Variants in HDAC4 observed in about 807,000 individuals in gnomAD.
The protein encoded by HDAC4 is histone deacetylase A.
A neutral mutation model predicts 135.1 loss-of-function variants in HDAC4; 16 were observed. The ratio of observed to expected loss-of-function variants is 0.12; its 90% CI spans 0.08 to 0.18. The LOEUF (loss-of-function observed/expected upper bound fraction) is 0.18. Among genes scored for constraint, HDAC4 ranks in the 10% least tolerant of loss-of-function variants. HDAC4 has a pLI of 1.00. For missense variants in HDAC4, 1,143 were observed against 1,511.8 expected (o/e 0.76, Z 4.05); for synonymous variants, 685 against 653.4 (o/e 1.05, Z -0.74).
In HDAC4 at chr2:239,308,243, G is replaced by A. The variant is rs73100783; in HGVS notation, c.22+44435C>T. ...TAGGGACAAGAGAGCTAGAGACCCG[G>A]GGGGGAGTCCACTGCCTTGGGGACA... On this transcript the variant is annotated intron_variant, in intron 2 of 26. Transcript: ENST00000543185. The surrounding 1 kb of genome is among the most constrained non-coding windows in gnomAD (Gnocchi z 4.2). 3.9e-3 allele frequency among the ~76,000 whole-genome samples: 601 copies of A among 152,254 alleles called. 4 individuals carry two copies. The highest frequency in any genetic ancestry group is 0.014 in the African/African-American group (580 of 41,546).
At position 239,048,263 on chromosome 2, in the gene HDAC4, G is replaced by A. The variant is rs1248089372; in HGVS notation, c.*4834C>T. 1 of 152,286 alleles carries A rather than the reference G, an allele frequency of 6.6e-6. No homozygotes were observed. Among genetic ancestry groups the A allele is most frequent in the Non-Finnish European group, 1.5e-5 (1 of 68,064 alleles). 9.4% of individuals were successfully genotyped at this position (152,286 alleles called of 1,614,324 possible). ...TGGACTCCAGTGAAGTGGAAAGAAG[G>A]TGACCGTCAGAAGAGGATATCATTG... On this transcript the variant is annotated 3_prime_UTR_variant, in exon 27 of 27. Transcript: ENST00000543185.
At chr2:239,384,451 C>A (rs79234890) in intron 1 of HDAC4, among the ~76,000 whole-genome samples, 1,063 of 94,692 alleles carry the variant, frequency 0.011, no homozygotes, top group Non-Finnish European at 0.013. Flanking sequence ...CCTGTCTCTA[C>A]AAAAAAAAAA....
intron 2 of HDAC4, among the ~76,000 whole-genome samples, chr2:239,324,494 C>A (rs1168477732): frequency 6.6e-6 from 1 of 152,248 alleles, no homozygotes; most frequent in African/African-American, 2.4e-5. Flanking sequence ...AGGGGCCAAG[C>A]AAAGCCAAAG....
chr2:239,371,470 C>T (rs1314562802), intron 1 of HDAC4, among the ~76,000 whole-genome samples: 1 of 152,194 alleles, frequency 6.6e-6, no homozygotes, highest in Non-Finnish European at 1.5e-5. Context: ...CACCCAGGCA[C>T]TCACACACAC....
intron 4 of HDAC4, among the ~76,000 whole-genome samples, chr2:239,182,342 C>T (rs1460672498): frequency 2.0e-5 from 3 of 152,204 alleles, no homozygotes; most frequent in Non-Finnish European, 4.4e-5. Context: ...TCACTCAGGG[C>T]GGAAACGCAG....
At chr2:239,401,428 T>C (rs946929342), upstream of HDAC4, 4 of 160,956 alleles carry the variant, frequency 2.5e-5, no homozygotes, top group East Asian at 1.9e-4. Flanking sequence ...CGCCAGCCGC[T>C]GGGTGCTTCG....
chr2:239,266,034 G>A (rs1437199824), intron 2 of HDAC4, among the ~76,000 whole-genome samples: 2 of 152,192 alleles, frequency 1.3e-5, no homozygotes, highest in African/African-American at 4.8e-5. Context: ...AGGACAGGGA[G>A]GGGGACACAG....
chr2:239,214,186 G>A (rs1256412475), intron 3 of HDAC4, among the ~76,000 whole-genome samples: 1 of 152,218 alleles, frequency 6.6e-6, no homozygotes. Context: ...TCTTCTGCAG[G>A]CTCCAGGGGA....
intron 11 of HDAC4, among the ~76,000 whole-genome samples, chr2:239,131,294 T>C (rs537757471): frequency 6.6e-6 from 1 of 152,268 alleles, no homozygotes; most frequent in South Asian, 2.1e-4. Context: ...TTCAAAGCAT[T>C]TGTGGCTGGA....
rs1187040745 is a variant in HDAC4, at chr2:239,146,801, C to T, written c.734-2087G>A. Among the ~76,000 whole-genome samples the T allele has an allele frequency of 6.6e-6, 1 of 151,798 alleles. No individual in the cohort carries two copies. Among genetic ancestry groups the T allele is most frequent in the East Asian group, 1.9e-4 (1 of 5,164 alleles). Reference sequence around the variant, plus strand: ...CCCCACAGCCCCACTGCCCCCATCACAGCCCCACTGCCCTGTCTTCCTCAC... The same window carrying T: ...CCCCACAGCCCCACTGCCCCCATCATAGCCCCACTGCCCTGTCTTCCTCAC... On this transcript the variant is annotated intron_variant, in intron 7 of 26. Coordinates refer to ENST00000543185, the MANE Select transcript of HDAC4 (RefSeq NM_001378414.1). This position sits in a 1 kb window ranked among gnomAD's most constrained non-coding sequence, Gnocchi z 4.5.
chr2:239,383,299 C>T (rs1007325740), intron 1 of HDAC4, among the ~76,000 whole-genome samples: 6 of 152,180 alleles, frequency 3.9e-5, no homozygotes, highest in African/African-American at 9.7e-5. Flanking sequence ...TGCACCTTCC[C>T]GTAAAGTGCA....
chr2:239,072,826 T>C (rs1201253032), intron 22 of HDAC4, among the ~76,000 whole-genome samples: 1 of 152,152 alleles, frequency 6.6e-6, no homozygotes, highest in African/African-American at 2.4e-5. Context: ...CAGATCAGAA[T>C]CTTATTGAAA....
chr2:239,291,071 G>A (rs557142998), intron 2 of HDAC4, among the ~76,000 whole-genome samples: 2 of 152,378 alleles, frequency 1.3e-5, no homozygotes, highest in African/African-American at 4.8e-5. Flanking sequence ...GCGTGCCCGG[G>A]ACAGGGAGGA....
intron 12 of HDAC4, among the ~76,000 whole-genome samples, chr2:239,119,444 T>C (rs1021386836): frequency 1.3e-5 from 2 of 151,930 alleles, no homozygotes; most frequent in African/African-American, 4.8e-5. Context: ...GACCACAGGC[T>C]GAGGACATGG....
chr2:239,139,872 C>G lies in HDAC4; in HGVS notation c.866-76G>C. On this transcript the variant is annotated intron_variant, in intron 8 of 26. Coordinates refer to ENST00000543185, the MANE Select transcript of HDAC4 (RefSeq NM_001378414.1). This position sits in a 1 kb window ranked among gnomAD's most constrained non-coding sequence, Gnocchi z 5.3. ...CCGTGCTGACCTGTGGCCCGAATGC[C>G]CGGTGCCTTCCACGGACCTGCTCGT... is the stretch of plus-strand genomic sequence containing the variant. The G allele has an allele frequency of 8.2e-7, 1 of 1,224,692 alleles. No homozygotes were observed. Among genetic ancestry groups the G allele is most frequent in the Non-Finnish European group, 1.2e-6 (1 of 832,280 alleles). The allele number at this position is 1,224,692 out of a possible 1,614,324, so 75.9% of individuals were successfully genotyped here. A position where few individuals can be genotyped will look rare whatever the true frequency, so the allele number is the denominator to read the frequency against.
intron 24 of HDAC4, among the ~76,000 whole-genome samples, chr2:239,064,125 G>A (rs1017995405): frequency 7.2e-5 from 11 of 152,074 alleles, no homozygotes; most frequent in African/African-American, 2.7e-4. Flanking sequence ...CAGCTGACGC[G>A]CACCGCCCTG....
In HDAC4 at chr2:239,275,935, G is replaced by T. The variant is rs556292254; in HGVS notation, c.23-39271C>A. 2.0e-5 allele frequency among the ~76,000 whole-genome samples: 3 copies of T among 152,274 alleles called. No homozygotes were observed. In the South Asian group the frequency reaches 6.2e-4, roughly 32 times the overall value. ...CCTCATTTGGGAAAGCTTCCCAGAG[G>T]AGGAGAGGCCTTAAAAGGATGGGCG... is the stretch of plus-strand genomic sequence containing the variant. On this transcript the variant is annotated intron_variant, in intron 2 of 26. Coordinates refer to ENST00000543185, the MANE Select transcript of HDAC4 (RefSeq NM_001378414.1).
At chr2:239,135,536 C>T (rs527992951) in intron 9 of HDAC4, among the ~76,000 whole-genome samples, 19 of 152,324 alleles carry the variant, frequency 1.2e-4, no homozygotes, top group East Asian at 1.2e-3. Flanking sequence ...AGAGGAACGG[C>T]GAACACTGTT....
chr2:239,126,935 G>A (rs929482320), intron 11 of HDAC4, among the ~76,000 whole-genome samples: 2 of 152,204 alleles, frequency 1.3e-5, no homozygotes, highest in Admixed American at 1.3e-4. Context: ...TGAAAATCAG[G>A]TCGACACAGG....
Sources: gnomAD v4.1 joint callset for allele counts (sites outside exome capture counted in the v4.1 genomes callset) on GRCh38, gnomAD v4.1.1 for gene constraint, Gnocchi (gnomAD v3.1) non-coding constraint, MANE v1.5 for transcripts, NCBI Gene and HGNC (gene_info 2026-07-23, HGNC 2026-07-21) for gene names.